The following WWC1 variants were observed in gnomAD, a reference collection of about 807,000 sequenced individuals.
WWC1 encodes WW and C2 domain containing 1, also known as protein KIBRA.
Under a neutral mutation model 138.4 loss-of-function variants are expected in WWC1, and 55 were observed. The ratio of observed to expected loss-of-function variants is 0.40; its 90% CI spans 0.32 to 0.50. The LOEUF (loss-of-function observed/expected upper bound fraction) is 0.50, where lower values mean the gene tolerates loss of function less well. Among genes scored for constraint, WWC1 ranks in the 20% least tolerant of loss-of-function variants. WWC1 has a pLI of 0.72. For missense variants in WWC1, 1,226 were observed against 1,420.4 expected, an observed-to-expected ratio of 0.86 and a Z score of 2.20; for synonymous variants, 524 against 564.9, an observed-to-expected ratio of 0.93 and a Z score of 1.03.
chr5:168,345,019 C>T (rs926464291), intron 1 of WWC1, among the ~76,000 whole-genome samples: 1 of 152,162 alleles, frequency 6.6e-6, no homozygotes, highest in South Asian at 2.1e-4. Context: ...CCACCAGGCT[C>T]ATAAGGAAGG....
chr5:168,304,290 C>T (rs1310701278), intron 1 of WWC1, among the ~76,000 whole-genome samples: 1 of 152,188 alleles, frequency 6.6e-6, no homozygotes, highest in African/African-American at 2.4e-5. Context: ...CCTGGAAAAA[C>T]TGGTCATGCC....
At chr5:168,429,555 G>C (rs1435449660) in intron 13 of WWC1, among the ~76,000 whole-genome samples, 1 of 151,992 alleles carries the variant, frequency 6.6e-6, no homozygotes, top group African/African-American at 2.4e-5. Context: ...CACCACACCT[G>C]GCCTTCAATA....
chr5:168,427,981 G>A (rs375561371), intron 11 of WWC1, 52 bp from the exon 12 acceptor site: 42 of 1,525,626 alleles, frequency 2.8e-5, no homozygotes, highest in South Asian at 1.2e-4. Context: ...ATTGGGAGTC[G>A]CAAAGGCAGT....
chr5:168,330,819 G>A (rs1046902213), intron 1 of WWC1, among the ~76,000 whole-genome samples: 1 of 152,112 alleles, frequency 6.6e-6, no homozygotes, highest in African/African-American at 2.4e-5. Context: ...TGAAGAGTTG[G>A]CCACACCTCT....
intron 21 of WWC1, among the ~76,000 whole-genome samples, chr5:168,466,917 TAA>T (rs397881654): frequency 3.6e-5 from 5 of 138,926 alleles, no homozygotes; most frequent in Admixed American, 7.2e-5. Flanking sequence ...TTTCAAATAG[TAA>T]AAAAAAAAAA....
intron 1 of WWC1, among the ~76,000 whole-genome samples, chr5:168,313,862 C>T (rs1399398145): frequency 6.6e-6 from 1 of 152,202 alleles, no homozygotes; most frequent in East Asian, 1.9e-4. Context: ...AAAGGAGCTT[C>T]GCAGCTTATT....
At position 168,412,229 on chromosome 5, in the gene WWC1, C is replaced by G. The variant is rs952540608; in HGVS notation, c.942-2119C>G. 9 of 978,902 alleles carry G rather than the reference C, an allele frequency of 9.2e-6. No homozygotes were observed. The African/African-American group carries it at 1.4e-4, about 15-fold the overall frequency. The allele number at this position is 978,902 out of a possible 1,614,324, so 60.6% of individuals were successfully genotyped here. A position where few individuals can be genotyped will look rare whatever the true frequency, so the allele number is the denominator to read the frequency against. On this transcript the variant is annotated intron_variant, in intron 8 of 22. Coordinates refer to ENST00000265293, the MANE Select transcript of WWC1 (RefSeq NM_015238.3). ...TCCTAGCTCATCTGACTTTATGCAG[C>G]CTCTTGCTTGCCCCTCCACCCGAAG...
chr5:168,419,630 C>T (rs76309707), intron 9 of WWC1, among the ~76,000 whole-genome samples: 2,493 of 152,290 alleles, frequency 0.016, 35 homozygotes, highest in East Asian at 0.067. Context: ...AAGCACTCTC[C>T]GCTTTCTGAT....
intron 3 of WWC1, among the ~76,000 whole-genome samples, chr5:168,394,716 A>T (rs796490006): frequency 3.9e-5 from 6 of 152,096 alleles, no homozygotes; most frequent in African/African-American, 1.4e-4. Context: ...ACAGAGGGAG[A>T]CTCATCTCAA....
intron 8 of WWC1, among the ~76,000 whole-genome samples, chr5:168,413,008 G>T (rs1363157880): frequency 1.3e-5 from 2 of 152,132 alleles, no homozygotes; most frequent in Non-Finnish European, 2.9e-5. Flanking sequence ...AGCAAATCTA[G>T]GTATGTTTTT....
intron 1 of WWC1, among the ~76,000 whole-genome samples, chr5:168,337,171 A>G (rs1408438972): frequency 2.6e-5 from 4 of 152,118 alleles, no homozygotes; most frequent in Non-Finnish European, 4.4e-5. Context: ...GGGGTCCTGC[A>G]ATCATTGGGG....
At chr5:168,302,838 G>T (rs775308923) in intron 1 of WWC1, among the ~76,000 whole-genome samples, 1 of 152,190 alleles carries the variant, frequency 6.6e-6, no homozygotes, top group Non-Finnish European at 1.5e-5. Context: ...GTTCAGCAGG[G>T]ATTAAACCAA....
intron 1 of WWC1, among the ~76,000 whole-genome samples, chr5:168,303,491 C>A (rs1770276517): frequency 6.6e-6 from 1 of 152,000 alleles, no homozygotes; most frequent in African/African-American, 2.4e-5. Context: ...CACCTATAGT[C>A]CCAACTACAC....
At chr5:168,440,947 T>C (rs768239694) in intron 15 of WWC1, among the ~76,000 whole-genome samples, 1 of 152,130 alleles carries the variant, frequency 6.6e-6, no homozygotes, top group Non-Finnish European at 1.5e-5. Context: ...AGCATACCCA[T>C]ACAGTGGAAT....
chr5:168,380,401 G>A (rs1170262684), intron 2 of WWC1, among the ~76,000 whole-genome samples: 1 of 152,138 alleles, frequency 6.6e-6, no homozygotes, highest in South Asian at 2.1e-4. Context: ...TAGCCCAGGA[G>A]TTGAAGACCA....
intron 1 of WWC1, among the ~76,000 whole-genome samples, chr5:168,294,623 G>A (rs1769362530): frequency 6.6e-6 from 1 of 151,908 alleles, no homozygotes; most frequent in African/African-American, 2.4e-5. Flanking sequence ...TGGTTTTTTT[G>A]TTTATTTGTT....
chr5:168,443,777 A>G (rs1228468765), intron 16 of WWC1, among the ~76,000 whole-genome samples: 4 of 152,200 alleles, frequency 2.6e-5, no homozygotes, highest in Non-Finnish European at 4.4e-5. Flanking sequence ...TCTGGCCCAC[A>G]CTACCAAGGG....
intron 1 of WWC1, among the ~76,000 whole-genome samples, chr5:168,297,284 G>A (rs1208218257): frequency 1.3e-5 from 2 of 152,188 alleles, no homozygotes; most frequent in African/African-American, 4.8e-5. Context: ...TTTTGCAGCT[G>A]GAGTGGACCT....
At chr5:168,444,229 T>G (rs1009280791) in intron 16 of WWC1, among the ~76,000 whole-genome samples, 2 of 152,256 alleles carry the variant, frequency 1.3e-5, no homozygotes, top group Non-Finnish European at 2.9e-5. Context: ...CTCTCTCACT[T>G]CACTGCTAAA....
Sources: gnomAD v4.1 joint callset for allele counts (sites outside exome capture counted in the v4.1 genomes callset) on GRCh38, gnomAD v4.1.1 for gene constraint, MANE v1.5 for transcripts, NCBI Gene and HGNC (gene_info 2026-07-23, HGNC 2026-07-21) for gene names.